DGKB: variants seen among roughly 807,000 people sequenced by gnomAD.
DGKB encodes the protein 90 kDa diacylglycerol kinase.
In DGKB, 67 loss-of-function variants were observed where a neutral mutation model predicts 114.3. The observed-to-expected ratio is 0.59, with a 90% CI of 0.48 to 0.72. The LOEUF is 0.72. Ranked by LOEUF, DGKB falls within the 30% of genes least tolerant of loss-of-function variation. The pLI is 0.00. For synonymous variants in DGKB, 398 were observed against 323.1 expected (o/e 1.23, Z -2.49); for missense variants, 907 against 975.2 (o/e 0.93, Z 0.93).
intron 17 of DGKB, among the ~76,000 whole-genome samples, chr7:14,586,525 C>T (rs1211798773): frequency 6.6e-6 from 1 of 152,056 alleles, no homozygotes; most frequent in Non-Finnish European, 1.5e-5. Flanking sequence ...AGGTGGTACG[C>T]TAAACAACAA....
At chr7:14,904,941 A>C (rs375486550), upstream of DGKB, among the ~76,000 whole-genome samples, 3 of 152,306 alleles carry the variant, frequency 2.0e-5, 1 homozygote, top group African/African-American at 7.2e-5. Context: ...GTATGATTTT[A>C]AACTTGCCCT....
intron 13 of DGKB, among the ~76,000 whole-genome samples, chr7:14,641,587 A>G (rs1811815045): frequency 6.6e-6 from 1 of 151,726 alleles, no homozygotes; most frequent in African/African-American, 2.4e-5. Context: ...AATTTACCTT[A>G]CTTTATTTTC....
chr7:14,381,431 T>C (rs944696308), intron 21 of DGKB, among the ~76,000 whole-genome samples: 7 of 152,214 alleles, frequency 4.6e-5, no homozygotes, highest in Admixed American at 6.5e-5. Flanking sequence ...GTACTATTTT[T>C]TTAAGTTCAG....
At chr7:14,205,013 T>C (rs1786531476) in intron 23 of DGKB, among the ~76,000 whole-genome samples, 1 of 152,056 alleles carries the variant, frequency 6.6e-6, no homozygotes, top group Non-Finnish European at 1.5e-5. Flanking sequence ...TCATTCTTCC[T>C]TCATGTTCCC....
intron 13 of DGKB, among the ~76,000 whole-genome samples, chr7:14,665,045 A>G (rs984644874): frequency 5.9e-5 from 9 of 152,046 alleles, no homozygotes; most frequent in African/African-American, 2.2e-4. Context: ...TTCATATAAA[A>G]CAATGGTTAC....
chr7:14,444,863 G>A (rs1446563448), intron 21 of DGKB, among the ~76,000 whole-genome samples: 3 of 151,736 alleles, frequency 2.0e-5, no homozygotes, highest in Non-Finnish European at 4.4e-5. Flanking sequence ...GTATAAAAGA[G>A]CATAAAATAT....
chr7:14,262,141 A>C (rs1796871345), intron 23 of DGKB, among the ~76,000 whole-genome samples: 1 of 152,204 alleles, frequency 6.6e-6, no homozygotes, highest in South Asian at 2.1e-4. Flanking sequence ...ATGACGTATC[A>C]GTTGAATTTG....
At chr7:14,448,483 G>A (rs1831030813) in intron 21 of DGKB, among the ~76,000 whole-genome samples, 1 of 152,052 alleles carries the variant, frequency 6.6e-6, no homozygotes, top group Non-Finnish European at 1.5e-5. Flanking sequence ...CTGGAAAGTG[G>A]AAGGCAGATG....
intron 23 of DGKB, among the ~76,000 whole-genome samples, chr7:14,314,964 T>G (rs1297061694): frequency 4.0e-5 from 6 of 151,334 alleles, no homozygotes; most frequent in Admixed American, 3.9e-4. Flanking sequence ...CAGAAGAGAG[T>G]GGGGGCCAAT....
intron 21 of DGKB, among the ~76,000 whole-genome samples, chr7:14,406,673 T>C (rs915556985): frequency 3.3e-5 from 5 of 152,078 alleles, no homozygotes; most frequent in Non-Finnish European, 7.4e-5. Context: ...AGGGATCTTG[T>C]AAAATGCAGA....
intron 1 of DGKB, among the ~76,000 whole-genome samples, chr7:14,925,597 T>C (rs77571420): frequency 0.038 from 5,747 of 152,272 alleles, 375 homozygotes; most frequent in African/African-American, 0.13. Context: ...AGTTTCAGCA[T>C]ATATATTCTA....
intron 2 of DGKB, among the ~76,000 whole-genome samples, chr7:14,765,200 C>T (rs1562478086): frequency 6.6e-6 from 1 of 151,940 alleles, no homozygotes; most frequent in East Asian, 1.9e-4. Context: ...AAACCAAACC[C>T]TCTATTCAGG....
intron 1 of DGKB, among the ~76,000 whole-genome samples, chr7:14,859,926 AC>A (rs1850729341): frequency 6.6e-6 from 1 of 152,088 alleles, no homozygotes; most frequent in African/African-American, 2.4e-5. Context: ...CCGAAGTTGT[AC>A]CCAAAGCCCA....
At chr7:14,793,574 C>T (rs534237355) in intron 2 of DGKB, among the ~76,000 whole-genome samples, 7 of 152,216 alleles carry the variant, frequency 4.6e-5, no homozygotes, top group African/African-American at 1.7e-4. Flanking sequence ...GTAATTAATA[C>T]TCAACAGTTT....
chr7:14,743,230 C>A (rs908788154), intron 4 of DGKB, among the ~76,000 whole-genome samples: 1 of 152,060 alleles, frequency 6.6e-6, no homozygotes, highest in South Asian at 2.1e-4. Context: ...CTCTCTCTCC[C>A]TTGTTGAAGA....
At chr7:14,875,628 G>A (rs1004764750) in intron 1 of DGKB, among the ~76,000 whole-genome samples, 2 of 152,138 alleles carry the variant, frequency 1.3e-5, no homozygotes, top group Admixed American at 6.5e-5. Context: ...TGAAATTCAT[G>A]AAAATTAATA....
chr7:14,603,818 G>A (rs1195089181), intron 17 of DGKB, among the ~76,000 whole-genome samples: 1 of 152,032 alleles, frequency 6.6e-6, no homozygotes, highest in Non-Finnish European at 1.5e-5. Context: ...AATTCATTAA[G>A]TGCTTCCTAT....
intron 21 of DGKB, among the ~76,000 whole-genome samples, chr7:14,384,627 G>T (rs894923037): frequency 6.6e-6 from 1 of 152,188 alleles, no homozygotes; most frequent in African/African-American, 2.4e-5. Flanking sequence ...TTATATAGCA[G>T]ATTAATCAGT....
intron 15 of DGKB, among the ~76,000 whole-genome samples, chr7:14,618,119 TACAC>T (rs59901892): frequency 1.5e-4 from 23 of 148,784 alleles, no homozygotes; most frequent in South Asian, 6.3e-4. Context: ...GCAAAGGACA[TACAC>T]ACACACACAC....
Sources: gnomAD v4.1 joint callset for allele counts (sites outside exome capture counted in the v4.1 genomes callset) on GRCh38, gnomAD v4.1.1 for gene constraint, MANE v1.5 for transcripts, NCBI Gene and HGNC (gene_info 2026-07-23, HGNC 2026-07-21) for gene names.